Variants in LIMS1 observed in about 807,000 individuals in gnomAD.
The protein encoded by LIMS1 is LIM and senescent cell antigen-like-containing domain protein 1.
LIMS1 carries 18 observed loss-of-function variants against 44.1 expected under a neutral mutation model. That is an observed-to-expected ratio of 0.41 (90% CI 0.28 to 0.61). The LOEUF is 0.61. Ranked by LOEUF, LIMS1 falls within the 20% of genes least tolerant of loss-of-function variation. The pLI, the probability that LIMS1 is intolerant of heterozygous loss-of-function variation, is 0.32. For synonymous variants in LIMS1, 93 were observed against 149.1 expected (o/e 0.62, Z 2.74); for missense variants, 201 against 422.0 (o/e 0.48, Z 4.59).
At chr2:108,668,412 C>T (rs531445941) in intron 2 of LIMS1, among the ~76,000 whole-genome samples, 3 of 152,188 alleles carry the variant, frequency 2.0e-5, no homozygotes, top group Non-Finnish European at 2.9e-5. Flanking sequence ...ATTTTACTCT[C>T]TATTTCTATG....
At chr2:108,572,751 C>T (rs1685525818) in intron 1 of LIMS1, among the ~76,000 whole-genome samples, 1 of 152,074 alleles carries the variant, frequency 6.6e-6, no homozygotes, top group African/African-American at 2.4e-5. Context: ...CGGTAGGCAA[C>T]GATTACACTT....
chr2:108,628,558 C>T (rs1030857532), intron 1 of LIMS1, among the ~76,000 whole-genome samples: 4 of 152,220 alleles, frequency 2.6e-5, no homozygotes, highest in African/African-American at 9.6e-5. Flanking sequence ...GCCTTCGCCT[C>T]CCAGGCTCAA....
At chr2:108,563,293 A>G (rs1004663314) in intron 1 of LIMS1, among the ~76,000 whole-genome samples, 5 of 152,252 alleles carry the variant, frequency 3.3e-5, no homozygotes, top group African/African-American at 9.6e-5. Context: ...CATAGGCTAT[A>G]TAGCTGCTGC....
intron 1 of LIMS1, among the ~76,000 whole-genome samples, chr2:108,593,547 T>C (rs1407617924): frequency 1.3e-5 from 2 of 152,218 alleles, no homozygotes; most frequent in Non-Finnish European, 2.9e-5. Context: ...TACGTCAATT[T>C]ACAATAAACT....
At chr2:108,546,566 A>T (rs961178740) in intron 1 of LIMS1, among the ~76,000 whole-genome samples, 4 of 151,838 alleles carry the variant, frequency 2.6e-5, no homozygotes, top group Non-Finnish European at 5.9e-5. Flanking sequence ...ATATTAAGTG[A>T]TCCCTGTTCA....
At chr2:108,648,613 T>C (rs1180220609) in intron 1 of LIMS1, among the ~76,000 whole-genome samples, 1 of 152,216 alleles carries the variant, frequency 6.6e-6, no homozygotes, top group Non-Finnish European at 1.5e-5. Flanking sequence ...AAAAACAGCA[T>C]GGTACTTATA....
chr2:108,609,604 C>T lies in LIMS1; in HGVS notation c.33-50001C>T, dbSNP rs1027033584. Among the ~76,000 whole-genome samples, 9 of 152,190 alleles carry T rather than the reference C, an allele frequency of 5.9e-5. No homozygotes were observed. In the South Asian group the frequency reaches 1.4e-3, roughly 25 times the overall value. ...CCCTTTTCCTGGTGCCATTCTTTCA[C>T]AATGTAACATATCCCTTAATGTATT... is the stretch of plus-strand genomic sequence containing the variant. On this transcript the variant is annotated intron_variant, in intron 1 of 9. Transcript: ENST00000544547.
chr2:108,663,111 T>C (rs975720990), intron 2 of LIMS1, among the ~76,000 whole-genome samples: 4 of 152,008 alleles, frequency 2.6e-5, no homozygotes, highest in Admixed American at 2.0e-4. Flanking sequence ...CAGTTTCTCT[T>C]TTTTTTTCTT....
At chr2:108,603,994 G>T (rs1300198833) in intron 1 of LIMS1, among the ~76,000 whole-genome samples, 2 of 151,950 alleles carry the variant, frequency 1.3e-5, no homozygotes, top group Non-Finnish European at 2.9e-5. Flanking sequence ...TATTAGTACT[G>T]CTTTCCCTAT....
intron 1 of LIMS1, among the ~76,000 whole-genome samples, chr2:108,563,210 A>G (rs904342907): frequency 5.3e-5 from 8 of 152,246 alleles, no homozygotes; most frequent in East Asian, 1.9e-4. Context: ...TTCCATGCCT[A>G]TTAACACAGC....
intron 1 of LIMS1, among the ~76,000 whole-genome samples, chr2:108,622,504 G>T (rs1688303939): frequency 6.6e-6 from 1 of 152,044 alleles, no homozygotes; most frequent in Non-Finnish European, 1.5e-5. Flanking sequence ...TTTTGAAGAG[G>T]GTAGCATTAA....
chr2:108,652,220 GA>G (rs1386882473), intron 1 of LIMS1, among the ~76,000 whole-genome samples: 10 of 151,984 alleles, frequency 6.6e-5, no homozygotes, highest in African/African-American at 1.7e-4. Flanking sequence ...TTATCCCAGA[GA>G]AATAAAAATA....
At chr2:108,559,526 C>T (rs1303708103) in intron 1 of LIMS1, among the ~76,000 whole-genome samples, 1 of 152,120 alleles carries the variant, frequency 6.6e-6, no homozygotes, top group Non-Finnish European at 1.5e-5. Context: ...TAGTTTGCAG[C>T]ACAGTGCTAG....
At chr2:108,666,575 T>G (rs993665373) in intron 2 of LIMS1, among the ~76,000 whole-genome samples, 1 of 124,698 alleles carries the variant, frequency 8.0e-6, no homozygotes, top group African/African-American at 3.2e-5. Flanking sequence ...GGAGGATTGC[T>G]TGAAGCCAGG....
At chr2:108,680,240 A>G (rs111660190) in intron 8 of LIMS1, among the ~76,000 whole-genome samples, 42 of 151,816 alleles carry the variant, frequency 2.8e-4, no homozygotes, top group African/African-American at 8.2e-4. Flanking sequence ...GGTGGCACGC[A>G]CCTGTAGTCC....
chr2:108,588,076 T>C (rs558683466), intron 1 of LIMS1, among the ~76,000 whole-genome samples: 38 of 152,362 alleles, frequency 2.5e-4, no homozygotes, highest in African/African-American at 8.2e-4. Context: ...TGATCAGTTA[T>C]TCATTTTTCT....
chr2:108,647,566 T>TA (rs796448169), intron 1 of LIMS1, among the ~76,000 whole-genome samples: 91 of 152,252 alleles, frequency 6.0e-4, no homozygotes, highest in African/African-American at 2.1e-3. Context: ...AAATCCTCAA[T>TA]AAAATACTAG....
At chr2:108,577,108 C>T (rs909264421) in intron 1 of LIMS1, among the ~76,000 whole-genome samples, 1 of 152,172 alleles carries the variant, frequency 6.6e-6, no homozygotes, top group Non-Finnish European at 1.5e-5. Flanking sequence ...TATGATTGAC[C>T]TTTTCTTGTG....
chr2:108,673,145 A>C, intron 5 of LIMS1, 116 bp downstream of exon 5: 2 of 1,455,096 alleles, frequency 1.4e-6, no homozygotes, highest in Middle Eastern at 2.5e-4. Flanking sequence ...TAGTCTAGAA[A>C]ATTTTAAACC....
Sources: gnomAD v4.1 joint callset for allele counts (sites outside exome capture counted in the v4.1 genomes callset) on GRCh38, gnomAD v4.1.1 for gene constraint, MANE v1.5 for transcripts, NCBI Gene and HGNC (gene_info 2026-07-23, HGNC 2026-07-21) for gene names.